RNF216: variants seen among roughly 807,000 people sequenced by gnomAD.
The protein encoded by RNF216 is ring finger protein 216.
Under a neutral mutation model 110.8 loss-of-function variants are expected in RNF216, and 72 were observed. The observed-to-expected ratio is 0.65, with a 90% CI of 0.54 to 0.79. The LOEUF (loss-of-function observed/expected upper bound fraction) is 0.79. Among genes scored for constraint, RNF216 ranks in the 30% least tolerant of loss-of-function variants. RNF216 has a pLI of 0.00. For missense variants in RNF216, 1,342 were observed against 1,141.2 expected (o/e 1.18, Z -2.54); for synonymous variants, 495 against 407.5 (o/e 1.21, Z -2.59).
intron 1 of RNF216, among the ~76,000 whole-genome samples, chr7:5,761,654 C>T (rs1314913710): frequency 6.6e-6 from 1 of 152,044 alleles, no homozygotes; most frequent in Non-Finnish European, 1.5e-5. Context: ...GGCGTGGTGG[C>T]ACGTGCCTGT....
chr7:5,736,687 C>T (rs1406993222), intron 5 of RNF216, among the ~76,000 whole-genome samples: 12 of 151,568 alleles, frequency 7.9e-5, no homozygotes, highest in African/African-American at 1.7e-4. Context: ...GCGTCTCTGC[C>T]GGGCCACCCA....
chr7:5,690,615 C>T (rs932096734), intron 13 of RNF216, among the ~76,000 whole-genome samples: 2 of 152,194 alleles, frequency 1.3e-5, no homozygotes, highest in African/African-American at 4.8e-5. Context: ...GCAAGCATCA[C>T]ATAACCCTAA....
At chr7:5,762,307 A>C in intron 1 of RNF216, among the ~76,000 whole-genome samples, 1 of 151,850 alleles carries the variant, frequency 6.6e-6, no homozygotes, top group South Asian at 2.1e-4. Flanking sequence ...TGGATCACCT[A>C]AGGTGAGGAG....
intron 13 of RNF216, among the ~76,000 whole-genome samples, chr7:5,674,694 G>A (rs566177970): frequency 6.6e-6 from 1 of 152,022 alleles, no homozygotes; most frequent in African/African-American, 2.4e-5. Flanking sequence ...CCAAAAAGAG[G>A]TGACACTCAC....
At chr7:5,705,508 G>A (rs1792222906) in intron 13 of RNF216, among the ~76,000 whole-genome samples, 1 of 152,188 alleles carries the variant, frequency 6.6e-6, no homozygotes, top group Admixed American at 6.5e-5. Flanking sequence ...GCTAGGTTAT[G>A]CTGCTGGAAC....
chr7:5,694,707 G>C (rs1791522113), intron 13 of RNF216, among the ~76,000 whole-genome samples: 1 of 152,204 alleles, frequency 6.6e-6, no homozygotes, highest in African/African-American at 2.4e-5. Context: ...ATGCCCTTCA[G>C]CCTATGGAAA....
At chr7:5,756,776 G>C (rs749551199) in intron 2 of RNF216, among the ~76,000 whole-genome samples, 25 of 152,088 alleles carry the variant, frequency 1.6e-4, no homozygotes, top group Non-Finnish European at 3.4e-4. Flanking sequence ...GTAAACCCAA[G>C]ACCACCATAC....
chr7:5,635,564 C>T (rs1787348423), intron 15 of RNF216, among the ~76,000 whole-genome samples: 1 of 152,190 alleles, frequency 6.6e-6, no homozygotes, highest in South Asian at 2.1e-4. Flanking sequence ...ACATCATGTC[C>T]TTTCCCCTGC....
chr7:5,746,947 A>G (rs1465537561), intron 3 of RNF216, among the ~76,000 whole-genome samples: 1 of 152,220 alleles, frequency 6.6e-6, no homozygotes, highest in Non-Finnish European at 1.5e-5. Flanking sequence ...ACAGAATTCT[A>G]AAATAGCTTT....
intron 13 of RNF216, among the ~76,000 whole-genome samples, chr7:5,710,636 G>A (rs563039857): frequency 6.6e-6 from 1 of 152,288 alleles, no homozygotes; most frequent in East Asian, 1.9e-4. Flanking sequence ...GCATGGGCCT[G>A]CCCCTACTCA....
intron 13 of RNF216, among the ~76,000 whole-genome samples, chr7:5,683,496 G>A (rs1036240732): frequency 6.6e-6 from 1 of 152,104 alleles, no homozygotes; most frequent in African/African-American, 2.4e-5. Context: ...TCCTCCATGT[G>A]GAGAGACCAA....
chr7:5,774,342 G>T (rs967237044), intron 1 of RNF216, among the ~76,000 whole-genome samples: 1 of 152,178 alleles, frequency 6.6e-6, no homozygotes, highest in Non-Finnish European at 1.5e-5. Context: ...GGTTGCTGAA[G>T]CAAGAGAATC....
intron 5 of RNF216, among the ~76,000 whole-genome samples, chr7:5,737,187 T>A (rs969447782): frequency 6.6e-6 from 1 of 152,252 alleles, no homozygotes; most frequent in Non-Finnish European, 1.5e-5. Context: ...AGAAAAATTC[T>A]TCCGCCTTGG....
chr7:5,762,249 G>A (rs1324609310), intron 1 of RNF216, among the ~76,000 whole-genome samples: 14 of 152,066 alleles, frequency 9.2e-5, no homozygotes, highest in East Asian at 1.9e-4. Flanking sequence ...ACAGCCAGGC[G>A]TGGTGGCTCA....
intron 3 of RNF216, among the ~76,000 whole-genome samples, chr7:5,743,647 T>C (rs1562453729): frequency 6.6e-6 from 1 of 152,200 alleles, no homozygotes; most frequent in Non-Finnish European, 1.5e-5. Flanking sequence ...TATGTATATG[T>C]ACCCACATGT....
intron 13 of RNF216, among the ~76,000 whole-genome samples, chr7:5,668,439 G>T (rs1436511579): frequency 6.6e-6 from 1 of 151,946 alleles, no homozygotes; most frequent in Non-Finnish European, 1.5e-5. Flanking sequence ...TAGCCAGGAT[G>T]GTCTTGATTT....
At chr7:5,689,222 G>A (rs1791173612) in intron 13 of RNF216, among the ~76,000 whole-genome samples, 1 of 151,954 alleles carries the variant, frequency 6.6e-6, no homozygotes, top group Non-Finnish European at 1.5e-5. Flanking sequence ...GGGGGCAAAG[G>A]GCAGGCCTGG....
At chr7:5,718,593 C>CTGGA (rs1402425864) in intron 9 of RNF216, among the ~76,000 whole-genome samples, 5 of 148,604 alleles carry the variant, frequency 3.4e-5, no homozygotes, top group African/African-American at 1.2e-4. Context: ...GTTGCCCAGG[C>CTGGA]TGGAGTGCAG....
chr7:5,623,099 C>T lies in RNF216; in HGVS notation c.2533G>A (p.Val845Ile), dbSNP rs761527954. ...TGTGGCTGTGGCAGGTTCTGCGGAACGGGCCTCGGGAGGGCCTCCACCCTC... is the reference window on the plus strand; with the variant it reads ...TGTGGCTGTGGCAGGTTCTGCGGAATGGGCCTCGGGAGGGCCTCCACCCTC... ...VQRVEALPRP[V>I]PQNLPQPQMP... Residue 845 changes from valine (V) to isoleucine (I), a missense_variant, in exon 17 of 17, where the codon GTT (valine) becomes ATT (isoleucine). Coordinates refer to ENST00000389902, the MANE Select transcript of RNF216 (RefSeq NM_207111.4). 2.4e-5 allele frequency: 38 copies of T among 1,609,308 alleles called. No homozygotes were observed. Among genetic ancestry groups the T allele is most frequent in the African/African-American group, 4.0e-5 (3 of 74,830 alleles).
Sources: gnomAD v4.1 joint callset for allele counts (sites outside exome capture counted in the v4.1 genomes callset) on GRCh38, gnomAD v4.1.1 for gene constraint, MANE v1.5 for transcripts, NCBI Gene and HGNC (gene_info 2026-07-23, HGNC 2026-07-21) for gene names.